HOMER1: variants seen among roughly 807,000 people sequenced by gnomAD.
The protein encoded by HOMER1 is homer scaffold protein 1, also known as homer protein homolog 1.
HOMER1 carries 3 observed loss-of-function variants against 48.9 expected under a neutral mutation model. That is an observed-to-expected ratio of 0.06 (90% confidence interval 0.03 to 0.16). The LOEUF is 0.16. HOMER1 is among the 10% of genes least tolerant of loss of function. The pLI is 1.00. For missense variants in HOMER1, 247 were observed against 411.4 expected (o/e 0.60, Z 3.46); for synonymous variants, 134 against 146.4 (o/e 0.92, Z 0.61).
Position 79,449,950 on chromosome 5 carries a change from AT to A in HOMER1, c.294+1039del, listed in dbSNP as rs545091465. Among the ~76,000 whole-genome samples the A allele has an allele frequency of 3.0e-3, 460 of 152,344 alleles. 1 individual carries two copies. Among genetic ancestry groups the A allele is most frequent in the Non-Finnish European group, 5.0e-3 (342 of 68,030 alleles). ...GAAGAAAATAAAATAGATTCAATAT[AT>A]ATTCATAAAAGTGTAAGATTTCTAA... is the stretch of plus-strand genomic sequence containing the variant. On this transcript the variant is annotated intron_variant, in intron 3 of 8. Coordinates refer to ENST00000334082, the MANE Select transcript of HOMER1 (RefSeq NM_004272.5).
At chr5:79,430,830 G>A (rs1389237746) in intron 5 of HOMER1, among the ~76,000 whole-genome samples, 2 of 140,486 alleles carry the variant, frequency 1.4e-5, no homozygotes, top group East Asian at 8.0e-4. Context: ...CCAGCTACTC[G>A]GGAAGCTGAG....
intron 1 of HOMER1, among the ~76,000 whole-genome samples, chr5:79,488,514 A>C (rs945240901): frequency 6.6e-6 from 1 of 152,196 alleles, no homozygotes; most frequent in Non-Finnish European, 1.5e-5. Flanking sequence ...ACCAGTTCTT[A>C]AGAGCCCCAA....
intron 6 of HOMER1, among the ~76,000 whole-genome samples, chr5:79,399,651 G>A (rs1385824406): frequency 5.3e-5 from 8 of 152,138 alleles, no homozygotes; most frequent in African/African-American, 1.9e-4. Flanking sequence ...ATAACTGCCT[G>A]TTGAAACAAA....
At chr5:79,421,905 C>A (rs1750111324) in intron 5 of HOMER1, among the ~76,000 whole-genome samples, 1 of 152,052 alleles carries the variant, frequency 6.6e-6, no homozygotes, top group Admixed American at 6.6e-5. Flanking sequence ...TCGGGCCTGG[C>A]CAATACTTTT....
At chr5:79,498,393 T>C (rs541186925) in intron 1 of HOMER1, among the ~76,000 whole-genome samples, 2 of 152,112 alleles carry the variant, frequency 1.3e-5, no homozygotes, top group Non-Finnish European at 2.9e-5. Flanking sequence ...TGAAACTATG[T>C]CTCAAAAAAA....
chr5:79,494,392 C>T (rs144755705), intron 1 of HOMER1, among the ~76,000 whole-genome samples: 2 of 152,272 alleles, frequency 1.3e-5, no homozygotes, highest in Non-Finnish European at 2.9e-5. Flanking sequence ...CTCTTGGTTC[C>T]CTTTATCAAC....
chr5:79,379,191 CTATAATA>C (rs1401160593), intron 8 of HOMER1, among the ~76,000 whole-genome samples: 1 of 78,026 alleles, frequency 1.3e-5, no homozygotes, highest in East Asian at 2.7e-4. Context: ...TTTTATATAT[CTATAATA>C]TATATTATAT....
intron 1 of HOMER1, among the ~76,000 whole-genome samples, chr5:79,474,344 C>T (rs1015929375): frequency 4.0e-5 from 6 of 148,650 alleles, no homozygotes; most frequent in Non-Finnish European, 8.8e-5. Flanking sequence ...TGAGCTACTG[C>T]TCCTGGCCTT....
At chr5:79,496,314 G>A (rs1752419023) in intron 1 of HOMER1, among the ~76,000 whole-genome samples, 1 of 152,148 alleles carries the variant, frequency 6.6e-6, no homozygotes, top group African/African-American at 2.4e-5. Context: ...CAGGAGTGGG[G>A]CCTAAAATAG....
rs561009845 is a variant in HOMER1, at chr5:79,513,809, G to C, written c.-1035C>G. On this transcript the variant is annotated 5_prime_UTR_variant, in exon 1 of 9. Transcript: ENST00000334082. ...GTCGACGGGCGCCTGCCCGAGCCAA[G>C]GCGGGAGGCTAAGCCCGCGTTGGGG... The C allele has an allele frequency of 1.3e-5, 2 of 152,592 alleles. No homozygotes were observed. The highest frequency in any genetic ancestry group is 4.8e-5 in the African/African-American group (2 of 41,464). The allele number at this position is 152,592 out of a possible 1,614,324, so 9.5% of individuals were successfully genotyped here.
intron 5 of HOMER1, among the ~76,000 whole-genome samples, chr5:79,404,174 A>T (rs1388845530): frequency 2.6e-5 from 4 of 152,216 alleles, no homozygotes; most frequent in Non-Finnish European, 5.9e-5. Context: ...AATAGCAAAC[A>T]CCTTTAAAAA....
At chr5:79,492,213 A>G (rs1752296804) in intron 1 of HOMER1, among the ~76,000 whole-genome samples, 4 of 152,228 alleles carry the variant, frequency 2.6e-5, no homozygotes, top group Admixed American at 2.6e-4. Context: ...TAATTTAGTT[A>G]AATGCATTCC....
intron 1 of HOMER1, among the ~76,000 whole-genome samples, chr5:79,467,411 A>AC (rs1169101810): frequency 6.0e-4 from 91 of 151,452 alleles, no homozygotes; most frequent in African/African-American, 2.2e-3. Context: ...AAAAAAAAAA[A>AC]AACTAATGAA....
In HOMER1 at chr5:79,512,857, C is replaced by T. The variant is rs928290750; in HGVS notation, c.-83G>A. 14 of 1,428,998 alleles carry T rather than the reference C, an allele frequency of 9.8e-6. No homozygotes were observed. The highest frequency in any genetic ancestry group is 1.4e-5 in the African/African-American group (1 of 71,262). The allele number at this position is 1,428,998 out of a possible 1,614,324, so 88.5% of individuals were successfully genotyped here. ...AAAGGAATTTCTCCGTCTGCTATTTCGCAGTTGCTTTTCCACCCCCACCCC... is the reference window on the plus strand; with the variant it reads ...AAAGGAATTTCTCCGTCTGCTATTTTGCAGTTGCTTTTCCACCCCCACCCC... On this transcript the variant is annotated 5_prime_UTR_variant, in exon 1 of 9. Transcript: ENST00000334082.
At chr5:79,497,662 GAAAAAAA>G (rs1212983044) in intron 1 of HOMER1, among the ~76,000 whole-genome samples, 57 of 73,084 alleles carry the variant, frequency 7.8e-4, no homozygotes, top group African/African-American at 2.2e-3. Context: ...CTGTCTCAAA[GAAAAAAA>G]AAAAAAAAAA....
intron 5 of HOMER1, among the ~76,000 whole-genome samples, chr5:79,435,286 T>G (rs987593673): frequency 6.6e-6 from 1 of 152,178 alleles, no homozygotes; most frequent in African/African-American, 2.4e-5. Flanking sequence ...TTCATGAGGT[T>G]TAGTCAAAAA....
chr5:79,453,288 C>T lies in HOMER1; in HGVS notation c.163-2167G>A, dbSNP rs57683622. ...TGTTTTCTGACAAGGGCATTTTATA[C>T]GTGACCCTAATAACTCAAAAGTGAG... On this transcript the variant is annotated intron_variant, in intron 2 of 8. Coordinates refer to ENST00000334082, the MANE Select transcript of HOMER1 (RefSeq NM_004272.5). 5.7e-3 allele frequency among the ~76,000 whole-genome samples: 874 copies of T among 152,242 alleles called. 7 individuals carry two copies. The highest frequency in any genetic ancestry group is 0.02 in the African/African-American group (842 of 41,554).
chr5:79,492,736 C>A (rs1029519706), intron 1 of HOMER1, among the ~76,000 whole-genome samples: 1 of 151,796 alleles, frequency 6.6e-6, no homozygotes, highest in Non-Finnish European at 1.5e-5. Flanking sequence ...AAACTTAATA[C>A]GTATTAGGTT....
chr5:79,504,143 G>A (rs1001695321), intron 1 of HOMER1, among the ~76,000 whole-genome samples: 6 of 151,970 alleles, frequency 3.9e-5, no homozygotes, highest in East Asian at 1.9e-4. Context: ...AGCAGCCTGC[G>A]AGATCTAGAA....
Sources: gnomAD v4.1 joint callset for allele counts (sites outside exome capture counted in the v4.1 genomes callset) on GRCh38, gnomAD v4.1.1 for gene constraint, MANE v1.5 for transcripts, NCBI Gene and HGNC (gene_info 2026-07-23, HGNC 2026-07-21) for gene names.